The following ARHGAP17 variants were observed in gnomAD, a reference collection of about 807,000 sequenced individuals.
ARHGAP17 encodes the protein Rho GTPase activating protein 17, also known as rho GTPase-activating protein 17.
Under a neutral mutation model 99.5 loss-of-function variants are expected in ARHGAP17, and 57 were observed. The observed-to-expected ratio is 0.57, with a 90% CI of 0.46 to 0.71. ARHGAP17 has a LOEUF of 0.71. Ranked by LOEUF, ARHGAP17 falls within the 30% of genes least tolerant of loss-of-function variation. The pLI is 0.00. For synonymous variants in ARHGAP17, 417 were observed against 429.6 expected (o/e 0.97, Z 0.36); for missense variants, 1,000 against 1,122.4 (o/e 0.89, Z 1.56).
At position 24,943,655 on chromosome 16, in the gene ARHGAP17, A is replaced by G; in HGVS notation, c.1333+116T>C. On this transcript the variant is annotated intron_variant, in intron 15 of 19. Transcript: ENST00000289968. The stretch of plus-strand genomic sequence containing the variant: ...AACAAAGGCTGGAAAGAAACATGAA[A>G]AAGTGAAACCAATTACGTAATCATG... The G allele has an allele frequency of 3.4e-6, 3 of 878,094 alleles. 1 individual carries two copies. The South Asian group carries it at 4.8e-5, about 14-fold the overall frequency. The allele number at this position is 878,094 out of a possible 1,614,324, so 54.4% of individuals were successfully genotyped here.
chr16:24,964,310 T>C lies in ARHGAP17; in HGVS notation c.462-2A>G. On this transcript the variant is annotated splice_acceptor_variant, in intron 6 of 19. Transcript: ENST00000289968. LOFTEE classifies it high-confidence loss of function. ...GAGGATTTGTGAGCTTGGTTCCACC[T>C]GCAAAACAAAGGGGTCACCAGCATC... is the stretch of plus-strand genomic sequence containing the variant. The C allele has an allele frequency of 6.2e-7, 1 of 1,605,950 alleles. No individual in the cohort carries two copies. Among genetic ancestry groups the C allele is most frequent in the Non-Finnish European group, 8.5e-7 (1 of 1,173,124 alleles).
chr16:24,953,175 G>T, intron 10 of ARHGAP17, 133 bp from the exon 11 acceptor site: 2 of 757,936 alleles, frequency 2.6e-6, no homozygotes, highest in Non-Finnish European at 4.4e-6. Flanking sequence ...TGCCTGCCCT[G>T]CAGGGCTGTC....
intron 1 of ARHGAP17, among the ~76,000 whole-genome samples, chr16:25,008,852 C>A (rs1188124621): frequency 1.3e-5 from 2 of 152,104 alleles, no homozygotes; most frequent in South Asian, 4.1e-4. Context: ...TTCTTCCCCC[C>A]AGTAAAGAAT....
intron 4 of ARHGAP17, among the ~76,000 whole-genome samples, chr16:24,969,423 G>C (rs1426354611): frequency 2.6e-5 from 4 of 152,086 alleles, no homozygotes; most frequent in African/African-American, 7.2e-5. Context: ...TCATAGTCAG[G>C]AACATGCTCT....
chr16:25,011,400 G>A (rs1447807376), intron 1 of ARHGAP17, among the ~76,000 whole-genome samples: 2 of 152,114 alleles, frequency 1.3e-5, no homozygotes, highest in African/African-American at 4.8e-5. Context: ...TGGACACAGT[G>A]CCTACCTAAA....
rs1305993331 is a variant in ARHGAP17 at position 24,953,183 on chromosome 16, G to A, written c.853-141C>T. 1.4e-5 allele frequency: 10 copies of A among 715,778 alleles called. No homozygotes were observed. The Middle Eastern group carries it at 1.0e-3, about 75-fold the overall frequency. 44.3% of individuals were successfully genotyped at this position (715,778 alleles called of 1,614,324 possible). On this transcript the variant is annotated intron_variant, in intron 10 of 19. Transcript: ENST00000289968. ...GTGTTACTGCCTGCCCTGCAGGGCT[G>A]TCAGGAGGAATGATGAGGGCTGAGC...
intron 6 of ARHGAP17, among the ~76,000 whole-genome samples, chr16:24,965,556 T>C (rs994186934): frequency 2.0e-5 from 3 of 152,218 alleles, no homozygotes; most frequent in Non-Finnish European, 4.4e-5. Flanking sequence ...CAAAATGCTA[T>C]GTTCTGCCCA....
intron 1 of ARHGAP17, among the ~76,000 whole-genome samples, chr16:25,009,157 G>A (rs183737590): frequency 6.6e-6 from 1 of 152,318 alleles, no homozygotes; most frequent in African/African-American, 2.4e-5. Flanking sequence ...CCTGAGGTCA[G>A]GGGTTCAAGA....
intron 1 of ARHGAP17, among the ~76,000 whole-genome samples, chr16:24,982,996 A>ATATTTTTTT (rs1315859010): frequency 4.3e-5 from 2 of 46,976 alleles, no homozygotes; most frequent in African/African-American, 1.7e-4. Flanking sequence ...ATATATATAT[A>ATATTTTTTT]TTTTTTTTTT....
At chr16:24,954,544 C>G in intron 10 of ARHGAP17, 59 bp downstream of exon 10, 1 of 1,563,710 alleles carries the variant, frequency 6.4e-7, no homozygotes, top group Non-Finnish European at 8.7e-7. Context: ...GAGCATGGTG[C>G]TCTGGGTACA....
Position 24,959,934 on chromosome 16 carries a change from C to T in ARHGAP17, c.619G>A (p.Glu207Lys). The T allele has an allele frequency of 6.2e-7, 1 of 1,614,160 alleles. No individual in the cohort carries two copies. Among genetic ancestry groups the T allele is most frequent in the Non-Finnish European group, 8.5e-7 (1 of 1,180,010 alleles). The part of the protein sequence containing the change: ...DMYNFMAKEG[E>K]YGKFFVTLLE... Reference sequence around the variant, plus strand: ...ACCGTAACAAAGAATTTGCCATACTCCCCTTCTTTGGCCATAAAGTTGTAC... The same window carrying T: ...ACCGTAACAAAGAATTTGCCATACTTCCCTTCTTTGGCCATAAAGTTGTAC... Residue 207 changes from glutamate (E) to lysine (K), a missense_variant, in exon 8 of 20, where the codon GAG (glutamate) becomes AAG (lysine). Physicochemically the swap from Glu to Lys is moderately conservative, Grantham distance 56. Coordinates refer to ENST00000289968, the MANE Select transcript of ARHGAP17 (RefSeq NM_001006634.3).
At chr16:24,977,927 T>C (rs1171962471) in intron 2 of ARHGAP17, among the ~76,000 whole-genome samples, 1 of 152,212 alleles carries the variant, frequency 6.6e-6, no homozygotes, top group Non-Finnish European at 1.5e-5. Context: ...TGGGATGCTT[T>C]CTATTTTAAA....
chr16:24,987,682 C>G (rs1438799303), intron 1 of ARHGAP17, among the ~76,000 whole-genome samples: 1 of 152,034 alleles, frequency 6.6e-6, no homozygotes, highest in Non-Finnish European at 1.5e-5. Flanking sequence ...ATCAATGGCT[C>G]CCACTGCCTC....
intron 2 of ARHGAP17, 97 bp downstream of exon 2, chr16:24,978,866 TAAA>T (rs56027541): frequency 0.046 from 26,537 of 573,596 alleles, 90 homozygotes; most frequent in African/African-American, 0.093. Context: ...TGTTTCTGGT[TAAA>T]AAAAAAAAAA....
At chr16:24,930,675 C>T (rs561804991) in intron 19 of ARHGAP17, 109 bp downstream of exon 19, 440 of 1,591,640 alleles carry the variant, frequency 2.8e-4, no homozygotes, top group Middle Eastern at 6.6e-4. Flanking sequence ...GTTTGGCTTG[C>T]GGGTGTAGTT....
At chr16:24,980,365 C>T (rs1415613742) in intron 1 of ARHGAP17, among the ~76,000 whole-genome samples, 1 of 152,216 alleles carries the variant, frequency 6.6e-6, no homozygotes, top group Non-Finnish European at 1.5e-5. Flanking sequence ...GAGATGCCTA[C>T]AGGGTGGCTC....
In ARHGAP17 at chr16:24,941,736, T is replaced by C; in HGVS notation, c.1490+251A>G. The C allele has an allele frequency of 7.8e-6, 4 of 511,446 alleles. No individual in the cohort carries two copies. In the East Asian group the frequency reaches 1.1e-4, roughly 14 times the overall value. 31.7% of individuals were successfully genotyped at this position (511,446 alleles called of 1,614,324 possible). A position where few individuals can be genotyped will look rare whatever the true frequency, so the allele number is the denominator to read the frequency against. ...GTATGATGCCGTTCCACTGCAGGGCTTACCAAGCACACCACCAAGTTAAGC... is the reference window on the plus strand; with the variant it reads ...GTATGATGCCGTTCCACTGCAGGGCCTACCAAGCACACCACCAAGTTAAGC... On this transcript the variant is annotated intron_variant, in intron 16 of 19. Transcript: ENST00000289968.
chr16:24,946,949 C>A (rs1328857252), intron 14 of ARHGAP17, among the ~76,000 whole-genome samples: 1 of 152,212 alleles, frequency 6.6e-6, no homozygotes, highest in Non-Finnish European at 1.5e-5. Flanking sequence ...TCAAATTCAT[C>A]ATAATATACG....
rs116783319 is a variant in ARHGAP17 at position 24,925,311 on chromosome 16, A to G, written c.2516-5051T>C. ...AGAGAACTGCTTAAACCAGGAAGGCAGGGGTTGCCGTGTGCCAAGATTGCA... is the reference window on the plus strand; with the variant it reads ...AGAGAACTGCTTAAACCAGGAAGGCGGGGGTTGCCGTGTGCCAAGATTGCA... On this transcript the variant is annotated intron_variant, in intron 19 of 19. Coordinates refer to ENST00000289968, the MANE Select transcript of ARHGAP17 (RefSeq NM_001006634.3). 2.8e-3 allele frequency among the ~76,000 whole-genome samples: 433 copies of G among 152,332 alleles called. 3 individuals are homozygous for G. The highest frequency in any genetic ancestry group is 8.8e-3 in the African/African-American group (364 of 41,586).
Sources: allele counts gnomAD v4.1 joint callset (sites outside exome capture counted in the v4.1 genomes callset), GRCh38; gene constraint gnomAD v4.1.1; transcripts MANE v1.5; gene names NCBI Gene and HGNC (gene_info 2026-07-23, HGNC 2026-07-21).